The following DTD1 variants were observed in gnomAD, a reference collection of about 807,000 sequenced individuals.
DTD1 encodes the protein D-aminoacyl-tRNA deacylase 1.
Under a neutral mutation model 25.6 loss-of-function variants are expected in DTD1, and 13 were observed. The observed-to-expected ratio is 0.51, with a 90% confidence interval of 0.33 to 0.81. DTD1 has a LOEUF of 0.81. Among genes scored for constraint, DTD1 ranks in the 30% least tolerant of loss-of-function variants. DTD1 has a pLI of 0.02. For missense variants in DTD1, 193 were observed against 266.4 expected (o/e 0.72, Z 1.92); for synonymous variants, 110 against 103.6 (o/e 1.06, Z -0.37).
chr20:18,630,067 G>A (rs950955084), intron 4 of DTD1, among the ~76,000 whole-genome samples: 1 of 151,980 alleles, frequency 6.6e-6, no homozygotes, highest in South Asian at 2.1e-4. Flanking sequence ...CATGTCTGAT[G>A]TAGTAGGCTA....
At chr20:18,688,886 TG>T (rs2061029327) in intron 4 of DTD1, among the ~76,000 whole-genome samples, 1 of 151,500 alleles carries the variant, frequency 6.6e-6, no homozygotes. Context: ...GGGTGGCCTG[TG>T]GGGGGTGGGG....
intron 4 of DTD1, among the ~76,000 whole-genome samples, chr20:18,650,839 AT>A (rs1820926482): frequency 6.6e-6 from 1 of 152,320 alleles, no homozygotes; most frequent in Admixed American, 6.5e-5. Flanking sequence ...AAAATTAATG[AT>A]TTTAGATCCT....
intron 5 of DTD1, among the ~76,000 whole-genome samples, chr20:18,757,960 G>A (rs553232758): frequency 2.6e-4 from 40 of 152,292 alleles, no homozygotes; most frequent in African/African-American, 7.2e-4. Context: ...CCTGTTATTG[G>A]TCTATTCAGA....
chr20:18,618,717 A>AC (rs1568647647), intron 3 of DTD1, among the ~76,000 whole-genome samples: 1 of 144,168 alleles, frequency 6.9e-6, no homozygotes, highest in African/African-American at 2.6e-5. Context: ...ACACACATAT[A>AC]ATTTTTTTTT....
chr20:18,708,207 T>TAAATATATA (rs1371286340), intron 4 of DTD1, among the ~76,000 whole-genome samples: 684 of 6,866 alleles, frequency 0.1, 53 homozygotes, highest in Non-Finnish European at 0.34. Context: ...ATATATATAT[T>TAAATATATA]TTATATATAT....
intron 4 of DTD1, among the ~76,000 whole-genome samples, chr20:18,688,871 C>G (rs1379045523): frequency 6.6e-6 from 1 of 151,978 alleles, no homozygotes; most frequent in Non-Finnish European, 1.5e-5. Context: ...GATCCTCATT[C>G]CCTGGGGTGG....
intron 4 of DTD1, chr20:18,631,365 G>A: frequency 1.7e-5 from 17 of 985,492 alleles, no homozygotes; most frequent in Non-Finnish European, 2.0e-5. Context: ...TGACTGCTCG[G>A]CTGTGGGTCT....
At chr20:18,707,080 G>A (rs1192128684) in intron 4 of DTD1, among the ~76,000 whole-genome samples, 5 of 152,170 alleles carry the variant, frequency 3.3e-5, no homozygotes, top group Non-Finnish European at 5.9e-5. Context: ...CTGTTCCCCT[G>A]TAACTTGCCA....
At chr20:18,617,375 A>G (rs909237596) in intron 3 of DTD1, among the ~76,000 whole-genome samples, 4 of 149,400 alleles carry the variant, frequency 2.7e-5, no homozygotes, top group Non-Finnish European at 5.9e-5. Context: ...TATATATAAT[A>G]TAATGTATAT....
At chr20:18,641,361 G>A (rs1444366371) in intron 4 of DTD1, among the ~76,000 whole-genome samples, 2 of 152,218 alleles carry the variant, frequency 1.3e-5, no homozygotes, top group Non-Finnish European at 2.9e-5. Flanking sequence ...AAATACCTAG[G>A]TACAGGTTGT....
At chr20:18,615,927 T>G (rs886206300) in intron 3 of DTD1, among the ~76,000 whole-genome samples, 2 of 152,226 alleles carry the variant, frequency 1.3e-5, no homozygotes, top group African/African-American at 4.8e-5. Context: ...AGTTTTTGTT[T>G]TGTGCTTAGT....
intron 4 of DTD1, chr20:18,631,645 T>C: frequency 4.1e-6 from 4 of 985,454 alleles, no homozygotes; most frequent in Non-Finnish European, 1.2e-6. Context: ...AACACTTTTC[T>C]TGCCACTGCT....
At chr20:18,731,293 A>T (rs1442220390) in intron 4 of DTD1, among the ~76,000 whole-genome samples, 1 of 152,114 alleles carries the variant, frequency 6.6e-6, no homozygotes, top group Non-Finnish European at 1.5e-5. Flanking sequence ...TCTGCTTATC[A>T]TCTTTTCCTC....
At chr20:18,701,548 G>A (rs1442853851) in intron 4 of DTD1, among the ~76,000 whole-genome samples, 3 of 152,228 alleles carry the variant, frequency 2.0e-5, no homozygotes, top group African/African-American at 7.2e-5. Context: ...TGCGGGTGGT[G>A]TGGAGGACAA....
intron 4 of DTD1, among the ~76,000 whole-genome samples, chr20:18,671,882 C>T (rs2060952312): frequency 6.6e-6 from 1 of 152,158 alleles, no homozygotes; most frequent in Non-Finnish European, 1.5e-5. Context: ...CATTTACAGT[C>T]ACCAGAACGT....
intron 4 of DTD1, among the ~76,000 whole-genome samples, chr20:18,701,319 AC>A (rs2061103569): frequency 6.6e-6 from 1 of 152,260 alleles, no homozygotes; most frequent in Non-Finnish European, 1.5e-5. Context: ...AAAGAGATGT[AC>A]TAACAAGCAC....
chr20:18,598,491 T>C (rs2060620737), intron 3 of DTD1, among the ~76,000 whole-genome samples: 1 of 151,836 alleles, frequency 6.6e-6, no homozygotes, highest in East Asian at 1.9e-4. Context: ...GGGTGTATAC[T>C]CAGTAACAGT....
chr20:18,649,282 C>CTT (rs2060863611), intron 4 of DTD1, among the ~76,000 whole-genome samples: 1 of 143,218 alleles, frequency 7.0e-6, no homozygotes, highest in Non-Finnish European at 1.5e-5. Flanking sequence ...AGACAAGACT[C>CTT]GAGCGAGAAA....
intron 4 of DTD1, among the ~76,000 whole-genome samples, chr20:18,723,715 A>G (rs1333499231): frequency 1.3e-5 from 2 of 152,234 alleles, no homozygotes; most frequent in African/African-American, 2.4e-5. Context: ...ACATACCTCA[A>G]ATTCATGCGT....
Sources: gnomAD v4.1 joint callset for allele counts (sites outside exome capture counted in the v4.1 genomes callset) on GRCh38, gnomAD v4.1.1 for gene constraint, MANE v1.5 for transcripts, NCBI Gene and HGNC (gene_info 2026-07-23, HGNC 2026-07-21) for gene names.